PSMC6: variants seen among roughly 807,000 people sequenced by gnomAD.
PSMC6 encodes 26S proteasome regulatory subunit 10B.
PSMC6 carries 3 observed loss-of-function variants against 55.9 expected under a neutral mutation model. The observed-to-expected ratio is 0.05, with a 90% CI of 0.02 to 0.14. The LOEUF (loss-of-function observed/expected upper bound fraction) is 0.14, where lower values mean the gene tolerates loss of function less well. Among genes scored for constraint, PSMC6 ranks in the 10% least tolerant of loss-of-function variants. The probability of loss-of-function intolerance (pLI) is 1.00; values close to 1 mark genes in which losing one functional copy is unlikely to be tolerated. For missense variants in PSMC6, 210 were observed against 478.7 expected, an observed-to-expected ratio of 0.44 and a Z score of 5.24; for synonymous variants, 137 against 155.9, an observed-to-expected ratio of 0.88 and a Z score of 0.90.
intron 2 of PSMC6, 37 bp downstream of exon 2, chr14:52,708,425 AATTT>A (rs1322910857): frequency 6.2e-7 from 1 of 1,612,016 alleles, no homozygotes; most frequent in African/African-American, 1.3e-5. Context: ...GGGTGATGGT[AATTT>A]GCTTTTTTAT....
intron 3 of PSMC6, 106 bp from the exon 4 acceptor site, chr14:52,708,658 A>G: frequency 5.8e-6 from 9 of 1,552,318 alleles, no homozygotes; most frequent in African/African-American, 1.4e-5. Context: ...TCCTTCAACT[A>G]ATGTCTCCTT....
intron 13 of PSMC6, among the ~76,000 whole-genome samples, chr14:52,724,550 G>C (rs541759921): frequency 6.6e-6 from 1 of 152,324 alleles, no homozygotes; most frequent in East Asian, 1.9e-4. Context: ...AAAATGAATT[G>C]TGTATGTTGT....
chr14:52,723,788 G>C (rs1202320292), intron 12 of PSMC6, 177 bp from the exon 13 acceptor site: 2 of 1,373,872 alleles, frequency 1.5e-6, no homozygotes, highest in Non-Finnish European at 1.9e-6. Context: ...TCTTCTTGGT[G>C]CTGGTTTATT....
At chr14:52,708,980 A>G (rs183983633) in intron 4 of PSMC6, 164 bp downstream of exon 4, 27 of 991,494 alleles carry the variant, frequency 2.7e-5, no homozygotes, top group Non-Finnish European at 3.5e-5. Context: ...AATTCAAACC[A>G]TGGGCTTTGA....
At chr14:52,709,581 G>A (rs2041743417) in intron 4 of PSMC6, 1 of 455,962 alleles carries the variant, frequency 2.2e-6, no homozygotes, top group Non-Finnish European at 4.4e-6. Context: ...TCAGGGCTCT[G>A]TGGATGCCGA....
At chr14:52,712,028 G>A (rs7142734) in intron 6 of PSMC6, among the ~76,000 whole-genome samples, 97,668 of 152,054 alleles carry the variant, frequency 0.64, 31,688 homozygotes, top group African/African-American at 0.74. Flanking sequence ...TAGGTGAACA[G>A]TCAAATCAGG....
At chr14:52,725,322 G>A (rs530720769) in intron 13 of PSMC6, among the ~76,000 whole-genome samples, 60 of 152,224 alleles carry the variant, frequency 3.9e-4, no homozygotes, top group Admixed American at 5.2e-4. Context: ...TTGCAAATGA[G>A]CTATAACTTC....
chr14:52,720,993 T>G lies in PSMC6; in HGVS notation c.898+12T>G. ...AGATAGAAAAATACGTGAGTTAAGATTCTTTACCTACTGTCCATTTCCCTT... is the reference window on the plus strand; with the variant it reads ...AGATAGAAAAATACGTGAGTTAAGAGTCTTTACCTACTGTCCATTTCCCTT... On this transcript the variant is annotated intron_variant, in intron 11 of 13. Coordinates refer to ENST00000445930, the MANE Select transcript of PSMC6 (RefSeq NM_002806.5). 5.0e-6 allele frequency: 8 copies of G among 1,611,732 alleles called. No individual in the cohort carries two copies. Among genetic ancestry groups the G allele is most frequent in the Non-Finnish European group, 6.8e-6 (8 of 1,178,530 alleles).
chr14:52,718,422 T>G, intron 9 of PSMC6, 70 bp downstream of exon 9: 2 of 1,475,386 alleles, frequency 1.4e-6, no homozygotes, highest in South Asian at 1.2e-5. Flanking sequence ...TTTCCCTCTC[T>G]TAATCTGTAA....
At chr14:52,716,589 G>A (rs1350370157) in intron 7 of PSMC6, among the ~76,000 whole-genome samples, 2 of 151,994 alleles carry the variant, frequency 1.3e-5, no homozygotes, top group African/African-American at 4.8e-5. Context: ...CCCCGTCTCT[G>A]CTGAAAATAC....
intron 13 of PSMC6, among the ~76,000 whole-genome samples, chr14:52,725,576 C>G (rs1362480589): frequency 6.6e-6 from 1 of 152,206 alleles, no homozygotes; most frequent in African/African-American, 2.4e-5. Flanking sequence ...CTGGCCCAGG[C>G]TGGAGTGCAG....
chr14:52,718,853 T>TA (rs1421708759), intron 9 of PSMC6, 124 bp from the exon 10 acceptor site: 2 of 741,418 alleles, frequency 2.7e-6, no homozygotes, highest in African/African-American at 3.6e-5. Context: ...TTTGTCAGCA[T>TA]AATTCTTGCT....
intron 6 of PSMC6, among the ~76,000 whole-genome samples, chr14:52,712,497 A>G (rs961250895): frequency 3.3e-5 from 5 of 152,184 alleles, no homozygotes; most frequent in Admixed American, 6.5e-5. Flanking sequence ...CATTAGCCAT[A>G]GGAGCAGAAA....
At chr14:52,719,634 T>C (rs1450748990) in intron 10 of PSMC6, among the ~76,000 whole-genome samples, 7 of 152,202 alleles carry the variant, frequency 4.6e-5, no homozygotes, top group Non-Finnish European at 8.8e-5. Context: ...AAATTCTTTC[T>C]CCTTAGAAGT....
intron 9 of PSMC6, 119 bp downstream of exon 9, chr14:52,718,471 TGTTA>T: frequency 8.6e-7 from 1 of 1,159,532 alleles, no homozygotes; most frequent in Non-Finnish European, 1.2e-6. Context: ...ATGAATCAGA[TGTTA>T]GTTTAACCAA....
At chr14:52,708,446 G>A in intron 2 of PSMC6, 37 bp from the exon 3 acceptor site, 1 of 1,613,468 alleles carries the variant, frequency 6.2e-7, no homozygotes, top group Non-Finnish European at 8.5e-7. Context: ...TTATTTAGCT[G>A]TTGCCAAAAA....
intron 13 of PSMC6, among the ~76,000 whole-genome samples, chr14:52,726,931 C>T (rs1382703424): frequency 1.3e-5 from 2 of 151,922 alleles, no homozygotes; most frequent in African/African-American, 4.8e-5. Context: ...TGTGAGCCAC[C>T]GTGCCCAGCC....
At chr14:52,708,195 T>A in intron 1 of PSMC6, 114 bp from the exon 2 acceptor site, 1 of 833,922 alleles carries the variant, frequency 1.2e-6, no homozygotes. Flanking sequence ...AAACAGTGGA[T>A]GTGAAACTTA....
intron 8 of PSMC6, 29 bp from the exon 9 acceptor site, chr14:52,718,200 A>G: frequency 1.2e-6 from 2 of 1,609,402 alleles, no homozygotes; most frequent in South Asian, 2.2e-5. Flanking sequence ...ATTATCTTAT[A>G]TTTACCTTAC....
Sources: gnomAD v4.1 joint callset for allele counts (sites outside exome capture counted in the v4.1 genomes callset) on GRCh38, gnomAD v4.1.1 for gene constraint, MANE v1.5 for transcripts, NCBI Gene and HGNC (gene_info 2026-07-23, HGNC 2026-07-21) for gene names.